The following PTER variants were observed in gnomAD, a reference collection of about 807,000 sequenced individuals.
The protein encoded by PTER is N-acetyltaurine hydrolase.
A neutral mutation model predicts 29.6 loss-of-function variants in PTER; 38 were observed. That is an observed-to-expected ratio of 1.28 (90% CI 0.99 to 1.68). The LOEUF (loss-of-function observed/expected upper bound fraction) is 1.68, where lower values mean the gene tolerates loss of function less well. Among genes scored for constraint, PTER ranks in the 40% most tolerant of loss-of-function variants. The pLI is 0.00. For missense variants in PTER, 482 were observed against 427.8 expected, an observed-to-expected ratio of 1.13 and a Z score of -1.12; for synonymous variants, 172 against 154.5, an observed-to-expected ratio of 1.11 and a Z score of -0.84.
chr10:16,510,480 A>C (rs888762669), intron 4 of PTER, among the ~76,000 whole-genome samples: 6 of 152,356 alleles, frequency 3.9e-5, no homozygotes, highest in Admixed American at 3.3e-4. Context: ...AATGCTGACC[A>C]ACCTTTTTTC....
At chr10:16,447,212 C>T (rs1269113396) in intron 1 of PTER, among the ~76,000 whole-genome samples, 6 of 151,448 alleles carry the variant, frequency 4.0e-5, no homozygotes, top group Admixed American at 4.0e-4. Flanking sequence ...GCGATCCTCC[C>T]ACCTCAGCCT....
chr10:16,511,460 A>G lies in PTER; in HGVS notation c.*204A>G, dbSNP rs558323054. ...GAGTTACTCAGCCTAATTGAGCCCT[A>G]TTATTTTAACTTAACAAAATAAATA... On this transcript the variant is annotated 3_prime_UTR_variant, in exon 5 of 5. Coordinates refer to ENST00000535784, the MANE Select transcript of PTER (RefSeq NM_001261836.2). 15 of 566,820 alleles carry G rather than the reference A, an allele frequency of 2.6e-5. No homozygotes were observed. Among genetic ancestry groups the G allele is most frequent in the Admixed American group, 1.8e-4 (6 of 33,182 alleles). The allele number at this position is 566,820 out of a possible 1,614,324, so 35.1% of individuals were successfully genotyped here. A position where few individuals can be genotyped will look rare whatever the true frequency, so the allele number is the denominator to read the frequency against.
chr10:16,515,298 G>C (rs149804716), downstream of PTER, among the ~76,000 whole-genome samples: 76 of 150,972 alleles, frequency 5.0e-4, no homozygotes, highest in African/African-American at 1.7e-3. Flanking sequence ...CCCTTTACCA[G>C]GCTGCTTCAG....
chr10:16,477,688 G>C (rs1012761814), intron 1 of PTER, among the ~76,000 whole-genome samples: 64 of 152,274 alleles, frequency 4.2e-4, no homozygotes, highest in Admixed American at 1.2e-3. Flanking sequence ...CAGCTATTTA[G>C]TGAAGAGCCA....
At chr10:16,438,368 C>A (rs1833728491) in intron 1 of PTER, among the ~76,000 whole-genome samples, 1 of 151,904 alleles carries the variant, frequency 6.6e-6, no homozygotes, top group South Asian at 2.1e-4. Context: ...GCTATCACAG[C>A]TCACTGCAAC....
chr10:16,503,927 T>C (rs1037967062), intron 3 of PTER, among the ~76,000 whole-genome samples: 1 of 152,190 alleles, frequency 6.6e-6, no homozygotes, highest in Non-Finnish European at 1.5e-5. Context: ...CTGTCTAATG[T>C]TCCCAACTCA....
At chr10:16,463,198 T>TAAAAAA (rs535136619) in intron 1 of PTER, among the ~76,000 whole-genome samples, 2 of 79,398 alleles carry the variant, frequency 2.5e-5, no homozygotes, top group African/African-American at 4.9e-5. Context: ...AGACTCTGTC[T>TAAAAAA]AAAAAAAAAA....
chr10:16,476,078 T>C (rs887587879), intron 1 of PTER: 6 of 152,210 alleles, frequency 3.9e-5, no homozygotes, highest in South Asian at 4.1e-4. Flanking sequence ...ATCCTGAACA[T>C]TTATATATTA....
chr10:16,467,621 G>A (rs1014999813), intron 1 of PTER, among the ~76,000 whole-genome samples: 1 of 152,086 alleles, frequency 6.6e-6, no homozygotes, highest in Non-Finnish European at 1.5e-5. Context: ...AGACCAGTCT[G>A]GCCTACATGG....
intron 1 of PTER, among the ~76,000 whole-genome samples, chr10:16,458,483 G>A (rs1333467859): frequency 6.6e-6 from 1 of 152,178 alleles, no homozygotes; most frequent in Non-Finnish European, 1.5e-5. Flanking sequence ...CATTAGAACA[G>A]GAGATTATAA....
At chr10:16,477,304 A>ATGGATGTC (rs1554789943) in intron 1 of PTER, among the ~76,000 whole-genome samples, 14 of 151,474 alleles carry the variant, frequency 9.2e-5, no homozygotes, top group African/African-American at 3.4e-4. Context: ...AGATAGATGG[A>ATGGATGTC]TGTCTGTCTG....
intron 3 of PTER, among the ~76,000 whole-genome samples, chr10:16,490,295 G>A (rs117216398): frequency 1.3e-5 from 2 of 152,172 alleles, no homozygotes; most frequent in South Asian, 2.1e-4. Context: ...TTGCATTCAC[G>A]CCATTGTAAA....
downstream of PTER, among the ~76,000 whole-genome samples, chr10:16,516,229 G>A (rs1018194655): frequency 6.6e-6 from 1 of 152,266 alleles, no homozygotes; most frequent in African/African-American, 2.4e-5. Flanking sequence ...ATGCTTGGAA[G>A]CACTGACTCC....
intron 3 of PTER, among the ~76,000 whole-genome samples, chr10:16,501,328 T>TACAC (rs35321143): frequency 0.039 from 4,596 of 117,114 alleles, 104 homozygotes; most frequent in Non-Finnish European, 0.052. Context: ...AATGAATAAC[T>TACAC]ACACACACAC....
chr10:16,449,434 T>TTC (rs1834128590), intron 1 of PTER, among the ~76,000 whole-genome samples: 1 of 144,324 alleles, frequency 6.9e-6, no homozygotes, highest in South Asian at 2.4e-4. Context: ...TTTTCTTTTT[T>TTC]TTTTTTTTTT....
chr10:16,502,865 T>G (rs576133778), intron 3 of PTER, among the ~76,000 whole-genome samples: 3 of 151,262 alleles, frequency 2.0e-5, no homozygotes, highest in Admixed American at 2.0e-4. Context: ...GGCACACACC[T>G]GTAGTCCCAG....
intron 1 of PTER, among the ~76,000 whole-genome samples, chr10:16,440,838 G>A (rs1442843082): frequency 6.6e-6 from 1 of 152,162 alleles, no homozygotes; most frequent in African/African-American, 2.4e-5. Context: ...TGAGATTCGG[G>A]GATTTGAGTG....
At chr10:16,507,200 G>T (rs547856740) in intron 4 of PTER, among the ~76,000 whole-genome samples, 1 of 87,046 alleles carries the variant, frequency 1.1e-5, no homozygotes, top group African/African-American at 5.1e-5. Flanking sequence ...AGTGGGTGGA[G>T]CATATATATA....
At chr10:16,437,258 G>GAA (rs1833683215) in intron 1 of PTER, 1 of 152,232 alleles carries the variant, frequency 6.6e-6, no homozygotes, top group African/African-American at 2.4e-5. Context: ...AGTCCCGTGT[G>GAA]GCGCCAGCTC....
Sources: gnomAD v4.1 joint callset for allele counts (sites outside exome capture counted in the v4.1 genomes callset) on GRCh38, gnomAD v4.1.1 for gene constraint, MANE v1.5 for transcripts, NCBI Gene and HGNC (gene_info 2026-07-23, HGNC 2026-07-21) for gene names.